UBR4: variants seen among roughly 807,000 people sequenced by gnomAD.
UBR4 encodes ubiquitin protein ligase E3 component n-recognin 4.
A neutral mutation model predicts 575.6 loss-of-function variants in UBR4; 124 were observed. The ratio of observed to expected loss-of-function variants is 0.22; its 90% CI spans 0.19 to 0.25. The LOEUF (loss-of-function observed/expected upper bound fraction) is 0.25. UBR4 is among the 10% of genes least tolerant of loss of function. UBR4 has a pLI of 1.00. For missense variants in UBR4, 4,818 were observed against 6,478.8 expected (o/e 0.74, Z 8.80); for synonymous variants, 2,455 against 2,473.7 (o/e 0.99, Z 0.22).
rs1474340255 is a variant in UBR4 at position 19,177,737 on chromosome 1, C to T, written c.2361G>A (p.Leu787=). ...PECLKVWDRF[L]STMKQNALQG... ...GCAGGGCATTCTGCTTCATTGTAGACAAAAACCTACCAGAGAGAAAAGATG... is the reference window on the plus strand; with the variant it reads ...GCAGGGCATTCTGCTTCATTGTAGATAAAAACCTACCAGAGAGAAAAGATG... The change falls in exon 19 of 106, where the codon TTG becomes TTA. Residue 787 remains leucine, a synonymous_variant. Coordinates refer to ENST00000375254, the MANE Select transcript of UBR4 (RefSeq NM_020765.3). The T allele has an allele frequency of 2.5e-6, 4 of 1,610,938 alleles. No homozygotes were observed. In the East Asian group the frequency reaches 8.9e-5, roughly 36 times the overall value.
At chr1:19,168,207 T>C (rs372264834) in intron 27 of UBR4, 23 bp from the exon 28 acceptor site, 285 of 1,545,196 alleles carry the variant, frequency 1.8e-4, no homozygotes, top group South Asian at 6.6e-4. Flanking sequence ...AAAGCAGATG[T>C]AAATGGATAG....
At chr1:19,145,588 T>C (rs1219678795) in intron 53 of UBR4, among the ~76,000 whole-genome samples, 2 of 150,776 alleles carry the variant, frequency 1.3e-5, no homozygotes, top group Admixed American at 6.6e-5. Flanking sequence ...AAAGATATGG[T>C]AGAAGAAAAT....
chr1:19,210,205 G>GACCA lies in UBR4; in HGVS notation c.43_44insTGGT (p.Ala15ValfsTer47). 1.4e-6 allele frequency: 2 copies of GACCA among 1,459,730 alleles called. No individual in the cohort carries two copies. The highest frequency in any genetic ancestry group is 5.7e-5 in the Admixed American group (2 of 35,244). 90.4% of individuals were successfully genotyped at this position (1,459,730 alleles called of 1,614,324 possible). Reference sequence around the variant, plus strand: ...CGCCCCCGTTGCCGGGGTCCCCGGCGCCGGAGCCGCTGCCGCCGCCTCTTC... The same window carrying GACCA: ...CGCCCCCGTTGCCGGGGTCCCCGGCGACCACCGGAGCCGCTGCCGCCGCCTCTTC... On this transcript the variant is annotated frameshift_variant, in exon 1 of 106. Transcript: ENST00000375254. LOFTEE classifies it high-confidence loss of function.
intron 28 of UBR4, among the ~76,000 whole-genome samples, chr1:19,167,438 G>T (rs1213919163): frequency 6.6e-6 from 1 of 152,064 alleles, no homozygotes; most frequent in Non-Finnish European, 1.5e-5. Context: ...TATTATATCA[G>T]AAACAAAAAT....
At chr1:19,124,724 CTA>C in intron 64 of UBR4, 34 bp from the exon 65 acceptor site, 1 of 1,598,782 alleles carries the variant, frequency 6.3e-7, no homozygotes, top group South Asian at 1.1e-5. Flanking sequence ...GAACCTGTGA[CTA>C]TCGATTTTCC....
intron 52 of UBR4, chr1:19,146,233 A>C: frequency 1.5e-6 from 1 of 670,910 alleles, no homozygotes; most frequent in Non-Finnish European, 2.3e-6. Context: ...GTAGAGGAAC[A>C]TCTGAACATT....
In UBR4 at chr1:19,174,313, T is replaced by C. The variant is rs1251069544; in HGVS notation, c.2982+6A>G. 1.2e-6 allele frequency: 2 copies of C among 1,609,054 alleles called. No homozygotes were observed. The highest frequency in any genetic ancestry group is 1.7e-6 in the Non-Finnish European group (2 of 1,178,838). On this transcript the variant is annotated splice_donor_region_variant and intron_variant, in intron 22 of 105. Coordinates refer to ENST00000375254, the MANE Select transcript of UBR4 (RefSeq NM_020765.3). The stretch of plus-strand genomic sequence containing the variant: ...CCAAAGACTTCTCAGGGTTCCATGG[T>C]CTTACCAAGGCTGTTACATTCTTGT...
intron 26 of UBR4, 135 bp downstream of exon 26, chr1:19,170,627 C>T: frequency 8.3e-7 from 1 of 1,205,770 alleles, no homozygotes; most frequent in Non-Finnish European, 1.2e-6. Flanking sequence ...AATAGACAAA[C>T]CTACCTAAAT....
chr1:19,106,454 G>T (rs1178618656), intron 83 of UBR4, 115 bp downstream of exon 83: 11 of 1,335,766 alleles, frequency 8.2e-6, no homozygotes, highest in Non-Finnish European at 1.1e-5. Context: ...GAAGCAAGAA[G>T]AGCAAAGAGA....
chr1:19,096,510 G>A lies in UBR4; in HGVS notation c.13518+13C>T, dbSNP rs897100355. 6 of 1,610,290 alleles carry A rather than the reference G, an allele frequency of 3.7e-6. No homozygotes were observed. The highest frequency in any genetic ancestry group is 2.2e-5 in the East Asian group (1 of 44,696). On this transcript the variant is annotated intron_variant, in intron 92 of 105. Transcript: ENST00000375254. ...GAAAGGCTGGCCCCCACAACTTGCT[G>A]CCCCCAACTCACTGTTAGAAGGTGG...
intron 11 of UBR4, among the ~76,000 whole-genome samples, chr1:19,191,252 T>G (rs1053288884): frequency 6.6e-6 from 1 of 152,106 alleles, no homozygotes; most frequent in African/African-American, 2.4e-5. Flanking sequence ...GGCAGATCAT[T>G]TGAGGCCAAG....
rs745933431 is a variant in UBR4 at position 19,154,921 on chromosome 1, T to C, written c.6455A>G (p.Lys2152Arg). ...AACATTAAATGTTCATTCCCACCTT[T>C]TGATGTTGATGGGGAAGAGTTGCAA... Reference protein sequence around the residue: ...EVLQLFPINIKSSNGGSKTSP... With the variant: ...EVLQLFPINIRSSNGGSKTSP... Residue 2152 changes from lysine (K) to arginine (R), a missense_variant, in exon 44 of 106, where the codon AAA (lysine) becomes AGA (arginine). Physicochemically the swap from Lys to Arg is conservative, Grantham distance 26 (BLOSUM62 2). Coordinates refer to ENST00000375254, the MANE Select transcript of UBR4 (RefSeq NM_020765.3). The C allele has an allele frequency of 5.6e-6, 9 of 1,614,038 alleles. No individual in the cohort carries two copies. The highest frequency in any genetic ancestry group is 7.6e-6 in the Non-Finnish European group (9 of 1,180,012).
intron 51 of UBR4, 127 bp downstream of exon 51, chr1:19,147,866 T>C: frequency 7.2e-7 from 1 of 1,381,986 alleles, no homozygotes; most frequent in East Asian, 2.4e-5. Flanking sequence ...CTCTGTAAAA[T>C]GTAGGTCTAA....
intron 102 of UBR4, among the ~76,000 whole-genome samples, chr1:19,084,277 T>C (rs983653451): frequency 2.0e-5 from 3 of 152,220 alleles, no homozygotes; most frequent in African/African-American, 7.2e-5. Context: ...GGGCTGCCCA[T>C]GGTGGGAGAC....
At chr1:19,187,030 AT>A in intron 13 of UBR4, 133 bp downstream of exon 13, 1 of 733,562 alleles carries the variant, frequency 1.4e-6, no homozygotes, top group Non-Finnish European at 1.8e-6. Context: ...CTTTGGGTCT[AT>A]AAAGGTCATG....
Position 19,198,582 on chromosome 1 carries a change from G to A in UBR4, c.607C>T (p.Pro203Ser), listed in dbSNP as rs541802365. Residue 203 changes from proline (P) to serine (S), a missense_variant, in exon 5 of 106, where the codon CCT becomes TCT. Coordinates refer to ENST00000375254, the MANE Select transcript of UBR4 (RefSeq NM_020765.3). ...FLNQLTSVFN[P>S]RTVASQPIST... ...ATAGGTTGTGATGCTACAGTTCTAG[G>A]GTTAAAAACTGAGGTCAGCTGGTTC... is the stretch of plus-strand genomic sequence containing the variant. 6.2e-7 allele frequency: 1 copy of A among 1,614,074 alleles called. No homozygotes were observed. The highest frequency in any genetic ancestry group is 8.5e-7 in the Non-Finnish European group (1 of 1,180,020).
Position 19,120,260 on chromosome 1 carries a change from C to T in UBR4, c.10230G>A (p.Gln3410=). 9.9e-6 allele frequency: 16 copies of T among 1,614,170 alleles called. No individual in the cohort carries two copies. Among genetic ancestry groups the T allele is most frequent in the Non-Finnish European group, 1.4e-5 (16 of 1,180,028 alleles). Residue 3410 remains glutamine, a synonymous_variant, in exon 69 of 106, where the codon CAG becomes CAA. Transcript: ENST00000375254. ...ACTCTAACAGGAAACAACGCAGGAA[C>T]TGGATCAGGGTTTCCTTATCGGCAA... The part of the protein sequence containing the change: ...NKFADKETLI[Q]FLRCFLLESN...
At position 19,192,215 on chromosome 1, in the gene UBR4, C is replaced by T; in HGVS notation, c.1367G>A (p.Gly456Asp). Residue 456 changes from glycine to aspartate, a missense_variant, in exon 11 of 106, where the codon GGC becomes GAC. Gly to Asp is a moderately conservative substitution (Grantham distance 94, BLOSUM62 -1). Coordinates refer to ENST00000375254, the MANE Select transcript of UBR4 (RefSeq NM_020765.3). ...DILSRTKEGV[G>D]SPKLGPGKGH... ...TTTTCCAGGCCCCAGTTTAGGGGAG[C>T]CCACTCCCTCTTTAGTACGAGAAAG... 1.9e-6 allele frequency: 3 copies of T among 1,614,064 alleles called. No individual in the cohort carries two copies. Among genetic ancestry groups the T allele is most frequent in the Non-Finnish European group, 1.7e-6 (2 of 1,179,996 alleles).
intron 63 of UBR4, 76 bp from the exon 64 acceptor site, chr1:19,126,731 A>T (rs2081841948): frequency 6.8e-7 from 1 of 1,469,008 alleles, no homozygotes; most frequent in Non-Finnish European, 9.4e-7. Context: ...GGTGTTGGGG[A>T]TGGGAAACAC....
Sources: gnomAD v4.1 joint callset for allele counts (sites outside exome capture counted in the v4.1 genomes callset) on GRCh38, gnomAD v4.1.1 for gene constraint, MANE v1.5 for transcripts, NCBI Gene and HGNC (gene_info 2026-07-23, HGNC 2026-07-21) for gene names.